The following CDH23 variants were observed in gnomAD, a reference collection of about 807,000 sequenced individuals.
The protein encoded by CDH23 is cadherin related 23.
In CDH23, 189 loss-of-function variants were observed where a neutral mutation model predicts 317.1. The ratio of observed to expected loss-of-function variants is 0.60; its 90% confidence interval spans 0.53 to 0.67. The LOEUF (loss-of-function observed/expected upper bound fraction) is 0.67. CDH23 is among the 30% of genes least tolerant of loss of function. The probability of loss-of-function intolerance (pLI) is 0.00; values close to 1 mark genes in which losing one functional copy is unlikely to be tolerated. For missense variants in CDH23, 4,401 were observed against 4,592.4 expected (o/e 0.96, Z 1.20); for synonymous variants, 1,839 against 1,876.8 (o/e 0.98, Z 0.52).
In CDH23 at chr10:71,548,189, G is replaced by A. The variant is rs186310975; in HGVS notation, c.430-18553G>A. On this transcript the variant is annotated intron_variant, in intron 6 of 69. Coordinates refer to ENST00000224721, the MANE Select transcript of CDH23 (RefSeq NM_022124.6). ...CCCAGGGGACAGGGCCACAGCCTGC[G>A]GGGGCCTGCTGCACGCCTGAGTAAA... Among the ~76,000 whole-genome samples, 252 of 152,368 alleles carry A rather than the reference G, an allele frequency of 1.7e-3. 3 individuals are homozygous for A. Among genetic ancestry groups the A allele is most frequent in the Non-Finnish European group, 2.0e-3 (135 of 68,040 alleles).
intron 3 of CDH23, among the ~76,000 whole-genome samples, chr10:71,464,608 TG>T (rs1851158913): frequency 7.0e-6 from 1 of 142,754 alleles, no homozygotes; most frequent in Non-Finnish European, 1.5e-5. Context: ...GGAGCCTGGG[TG>T]GATGACTTGC....
intron 6 of CDH23, among the ~76,000 whole-genome samples, chr10:71,520,575 A>G (rs547240785): frequency 6.6e-6 from 1 of 152,324 alleles, no homozygotes; most frequent in African/African-American, 2.4e-5. Flanking sequence ...GAGGCACAGC[A>G]CTGCTTTCCC....
At chr10:71,600,620 G>A (rs1382445081) in intron 9 of CDH23, among the ~76,000 whole-genome samples, 1 of 150,306 alleles carries the variant, frequency 6.7e-6, no homozygotes, top group African/African-American at 2.5e-5. Context: ...GGGTTCAAGC[G>A]ATTCTCCTGC....
intron 3 of CDH23, among the ~76,000 whole-genome samples, chr10:71,481,750 C>T (rs1287906745): frequency 6.6e-6 from 1 of 152,232 alleles, no homozygotes; most frequent in South Asian, 2.1e-4. Context: ...GAGCCAAGCT[C>T]CCAACATCTG....
At chr10:71,642,589 G>A (rs1329958097) in intron 11 of CDH23, among the ~76,000 whole-genome samples, 2 of 151,800 alleles carry the variant, frequency 1.3e-5, no homozygotes, top group African/African-American at 4.8e-5. Flanking sequence ...TTGTAAAGAC[G>A]GGGTTTCACC....
At chr10:71,802,354 G>A (rs750122740) in intron 53 of CDH23, among the ~76,000 whole-genome samples, 2 of 152,218 alleles carry the variant, frequency 1.3e-5, no homozygotes, top group African/African-American at 4.8e-5. Flanking sequence ...TGAAGAGGAT[G>A]CAGTTCAGGC....
At position 71,439,838 on chromosome 10, in the gene CDH23, CG is replaced by C; in HGVS notation, c.8del (p.Arg3ProfsTer15). On this transcript the variant is annotated frameshift_variant, in exon 2 of 70. Transcript: ENST00000224721. LOFTEE classifies it high-confidence loss of function. ...CTTTGTGTCCCCAGGAGCCATGGGG[CG>C]CCATGTTGCCACCAGCTGCCACGTG... is the stretch of plus-strand genomic sequence containing the variant. MG[R>X]HVATSCHVAW... 3 of 1,565,332 alleles carry C rather than the reference CG, an allele frequency of 1.9e-6. No homozygotes were observed. In the South Asian group the frequency reaches 3.5e-5, roughly 18 times the overall value.
At chr10:71,409,958 C>T (rs995347764) in intron 1 of CDH23, among the ~76,000 whole-genome samples, 1 of 152,162 alleles carries the variant, frequency 6.6e-6, no homozygotes, top group Non-Finnish European at 1.5e-5. Context: ...AGCAGCAGGC[C>T]TTACCTCTGG....
chr10:71,397,300 C>A lies in CDH23; in HGVS notation c.-24C>A. 1 of 152,482 alleles carries A rather than the reference C, an allele frequency of 6.6e-6. No homozygotes were observed. The highest frequency in any genetic ancestry group is 1.5e-5 in the Non-Finnish European group (1 of 68,184). 9.4% of individuals were successfully genotyped at this position (152,482 alleles called of 1,614,324 possible). A position where few individuals can be genotyped will look rare whatever the true frequency, so the allele number is the denominator to read the frequency against. On this transcript the variant is annotated 5_prime_UTR_variant, in exon 1 of 70. Coordinates refer to ENST00000224721, the MANE Select transcript of CDH23 (RefSeq NM_022124.6). The surrounding 1 kb of genome is among the most constrained non-coding windows in gnomAD (Gnocchi z 4.8). ...CCCGAGGCGAGGCGAGGCGCGGCGCCGCTGCACACACGCACACGGTACCCG... is the reference window on the plus strand; with the variant it reads ...CCCGAGGCGAGGCGAGGCGCGGCGCAGCTGCACACACGCACACGGTACCCG...
intron 3 of CDH23, among the ~76,000 whole-genome samples, chr10:71,472,590 C>T (rs1225625151): frequency 6.6e-6 from 1 of 152,218 alleles, no homozygotes; most frequent in Non-Finnish European, 1.5e-5. Flanking sequence ...GAATGGCAGG[C>T]ACATGGGCCA....
intron 38 of CDH23, among the ~76,000 whole-genome samples, chr10:71,766,406 G>A (rs1437008026): frequency 6.6e-6 from 1 of 152,166 alleles, no homozygotes; most frequent in Admixed American, 6.5e-5. Context: ...GGGCCACCTA[G>A]AGGAAGAGTG....
At position 71,403,383 on chromosome 10, in the gene CDH23, C is replaced by CT. The variant is rs1201553333; in HGVS notation, c.-6+6068dup. 7.0e-5 allele frequency among the ~76,000 whole-genome samples: 8 copies of CT among 114,956 alleles called. 2 individuals are homozygous for CT. Among genetic ancestry groups the CT allele is most frequent in the African/African-American group, 3.5e-4 (8 of 22,722 alleles). 75.4% of individuals were successfully genotyped at this position (114,956 alleles called of 152,430 possible). ...TCTTTCTTTCTTTCTTTCTTTCTTTCTTTCTTTCTTTCTTTCTTTCTTTCT... is the reference window on the plus strand; with the variant it reads ...TCTTTCTTTCTTTCTTTCTTTCTTTCTTTTCTTTCTTTCTTTCTTTCTTTCT... On this transcript the variant is annotated intron_variant, in intron 1 of 69. Coordinates refer to ENST00000224721, the MANE Select transcript of CDH23 (RefSeq NM_022124.6).
At chr10:71,729,490 A>C (rs1475780406) in intron 30 of CDH23, among the ~76,000 whole-genome samples, 1 of 152,150 alleles carries the variant, frequency 6.6e-6, no homozygotes, top group Non-Finnish European at 1.5e-5. Flanking sequence ...CACGCCCATC[A>C]ATCATTGGCT....
chr10:71,529,526 G>T (rs528976574), intron 6 of CDH23, among the ~76,000 whole-genome samples: 63 of 152,278 alleles, frequency 4.1e-4, no homozygotes, highest in Non-Finnish European at 7.1e-4. Context: ...ATGGAGCTTT[G>T]CACTCATAGG....
At chr10:71,399,227 T>G (rs953081298) in intron 1 of CDH23, among the ~76,000 whole-genome samples, 1 of 152,218 alleles carries the variant, frequency 6.6e-6, no homozygotes, top group Non-Finnish European at 1.5e-5. Flanking sequence ...CCTGTGGACA[T>G]GCAGCGTCGG....
At chr10:71,477,466 G>A (rs1050103908) in intron 3 of CDH23, among the ~76,000 whole-genome samples, 18 of 152,176 alleles carry the variant, frequency 1.2e-4, no homozygotes, top group African/African-American at 3.9e-4. Flanking sequence ...ACCGCGCCCA[G>A]CCCCAGGCTC....
chr10:71,439,999 C>A, intron 2 of CDH23, 101 bp downstream of exon 2: 2 of 909,196 alleles, frequency 2.2e-6, no homozygotes, highest in Non-Finnish European at 3.5e-6. Context: ...TGCTCTGGGA[C>A]TCTGGAGACA....
intron 6 of CDH23, among the ~76,000 whole-genome samples, chr10:71,524,669 C>T (rs1435190819): frequency 6.6e-6 from 1 of 152,100 alleles, no homozygotes; most frequent in Admixed American, 6.5e-5. Flanking sequence ...CTCTGTGAGG[C>T]CTCTGTAATC....
intron 9 of CDH23, among the ~76,000 whole-genome samples, chr10:71,601,937 G>A (rs1860241511): frequency 6.7e-6 from 1 of 149,056 alleles, no homozygotes; most frequent in Admixed American, 6.6e-5. Context: ...CATTGGAGCA[G>A]GGCCTGGGCT....
Sources: allele counts gnomAD v4.1 joint callset (sites outside exome capture counted in the v4.1 genomes callset), GRCh38; gene constraint gnomAD v4.1.1; non-coding constraint Gnocchi (gnomAD v3.1); transcripts MANE v1.5; gene names NCBI Gene and HGNC (gene_info 2026-07-23, HGNC 2026-07-21).